GPHN: variants seen among roughly 807,000 people sequenced by gnomAD.
The protein encoded by GPHN is gephyrin.
A neutral mutation model predicts 95.5 loss-of-function variants in GPHN; 17 were observed. The ratio of observed to expected loss-of-function variants is 0.18; its 90% confidence interval spans 0.12 to 0.27. The LOEUF is 0.27. Ranked by LOEUF, GPHN falls within the 10% of genes least tolerant of loss-of-function variation. GPHN has a pLI of 1.00. For synonymous variants in GPHN, 320 were observed against 322.5 expected (o/e 0.99, Z 0.08); for missense variants, 660 against 978.1 (o/e 0.67, Z 4.34).
chr14:67,222,317 C>A, the GPHN span, among the ~76,000 whole-genome samples: 1 of 152,086 alleles, frequency 6.6e-6, no homozygotes. Context: ...TTTTGTGAGG[C>A]GTAGTCTCTG....
intron 2 of GPHN, among the ~76,000 whole-genome samples, chr14:66,745,629 A>C (rs2058113867): frequency 6.6e-6 from 1 of 152,044 alleles, no homozygotes. Flanking sequence ...CAACTGTGGA[A>C]AGTGTTGCCA....
At chr14:67,348,820 G>T in the GPHN span, 1 of 465,000 alleles carries the variant, frequency 2.2e-6, no homozygotes, top group Non-Finnish European at 3.8e-6. Flanking sequence ...GTGCCCAGCC[G>T]GAACCTGCCT....
chr14:67,286,354 C>G, the GPHN span, among the ~76,000 whole-genome samples: 7 of 152,172 alleles, frequency 4.6e-5, no homozygotes, highest in African/African-American at 1.7e-4. Context: ...TTTCTTCTCT[C>G]TGTCCTCTGT....
the GPHN span, chr14:67,659,670 T>C: frequency 6.7e-7 from 1 of 1,495,454 alleles, no homozygotes; most frequent in Non-Finnish European, 9.0e-7. Context: ...ACAATATAGT[T>C]AATTTTTGTA....
At chr14:66,649,367 C>T (rs530031596) in intron 1 of GPHN, among the ~76,000 whole-genome samples, 3 of 151,780 alleles carry the variant, frequency 2.0e-5, no homozygotes, top group Non-Finnish European at 4.4e-5. Flanking sequence ...CAGGGGTCCC[C>T]GACCCCCGGA....
At chr14:67,579,073 G>T in the GPHN span, 1 of 1,211,136 alleles carries the variant, frequency 8.3e-7, no homozygotes, top group Non-Finnish European at 1.2e-6. Context: ...ATAGGGATCC[G>T]GGGTGCCAAA....
At chr14:67,472,064 C>A in the GPHN span, 1 of 152,282 alleles carries the variant, frequency 6.6e-6, no homozygotes, top group Non-Finnish European at 1.5e-5. Context: ...GGTGCCAATG[C>A]CCATGAGTGT....
At chr14:67,199,185 A>G in the GPHN span, 1 of 1,605,506 alleles carries the variant, frequency 6.2e-7, no homozygotes, top group East Asian at 2.2e-5. Context: ...AGTAGTCAAC[A>G]CCCACATGCC....
At chr14:67,373,958 A>G in the GPHN span, among the ~76,000 whole-genome samples, 1 of 152,228 alleles carries the variant, frequency 6.6e-6, no homozygotes, top group Admixed American at 6.5e-5. Context: ...AGGAAGAAAT[A>G]GGGGAAAGAT....
intron 2 of GPHN, among the ~76,000 whole-genome samples, chr14:66,723,068 T>G (rs749395461): frequency 3.3e-5 from 5 of 152,074 alleles, no homozygotes; most frequent in Admixed American, 2.6e-4. Flanking sequence ...TTTTTTTGTG[T>G]GTGTGACAGG....
chr14:67,577,338 G>A, the GPHN span: 1 of 1,582,594 alleles, frequency 6.3e-7, no homozygotes. Flanking sequence ...CTGTGCTACA[G>A]CAAAGACGGC....
At chr14:66,740,012 C>T (rs1026074427) in intron 2 of GPHN, among the ~76,000 whole-genome samples, 2 of 151,892 alleles carry the variant, frequency 1.3e-5, no homozygotes, top group Non-Finnish European at 2.9e-5. Flanking sequence ...AGAACAGATA[C>T]AATTGAAGAG....
the GPHN span, among the ~76,000 whole-genome samples, chr14:67,412,791 G>T: frequency 5.3e-5 from 8 of 152,092 alleles, no homozygotes; most frequent in African/African-American, 1.9e-4. Context: ...TTGAGACAGG[G>T]TCTTTCTCTG....
Position 66,929,800 on chromosome 14 carries a change from C to G in GPHN, c.828+5508C>G, listed in dbSNP as rs559878512. 3.3e-5 allele frequency among the ~76,000 whole-genome samples: 5 copies of G among 152,108 alleles called. No individual in the cohort carries two copies. In the South Asian group the frequency reaches 1.0e-3, roughly 32 times the overall value. On this transcript the variant is annotated intron_variant, in intron 8 of 22. Coordinates refer to ENST00000478722, the MANE Select transcript of GPHN (RefSeq NM_020806.5). ...TATCTTGGCTCACTGCAGTCTCTGCCTCCCGGGTTCACGCCATTCTCCTGC... is the reference window on the plus strand; with the variant it reads ...TATCTTGGCTCACTGCAGTCTCTGCGTCCCGGGTTCACGCCATTCTCCTGC...
chr14:67,004,520 T>C (rs1352201488), intron 9 of GPHN, among the ~76,000 whole-genome samples: 2 of 151,794 alleles, frequency 1.3e-5, no homozygotes, highest in East Asian at 1.9e-4. Context: ...ATTCAGGCTA[T>C]GTTGTTCTAA....
chr14:67,716,976 A>G, the GPHN span, among the ~76,000 whole-genome samples: 2 of 152,188 alleles, frequency 1.3e-5, no homozygotes, highest in Non-Finnish European at 2.9e-5. Context: ...TATCACATAT[A>G]TAAAACAAAT....
the GPHN span, among the ~76,000 whole-genome samples, chr14:67,240,230 A>G: frequency 1.9e-4 from 29 of 152,340 alleles, 2 homozygotes; most frequent in African/African-American, 6.5e-4. Flanking sequence ...CTTCACCACC[A>G]GGAACAACGG....
At chr14:67,587,077 G>T in the GPHN span, 2 of 1,599,758 alleles carry the variant, frequency 1.3e-6, no homozygotes, top group Non-Finnish European at 1.7e-6. Context: ...CTCTTAGATT[G>T]CAGAAGCTAC....
chr14:67,417,617 T>G, the GPHN span, among the ~76,000 whole-genome samples: 6 of 152,138 alleles, frequency 3.9e-5, no homozygotes, highest in South Asian at 4.1e-4. Context: ...AATTTTTTTT[T>G]GTAGAGATGG....
Sources: allele counts gnomAD v4.1 joint callset (sites outside exome capture counted in the v4.1 genomes callset), GRCh38; gene constraint gnomAD v4.1.1; transcripts MANE v1.5; gene names NCBI Gene and HGNC (gene_info 2026-07-23, HGNC 2026-07-21).